ANO2: variants seen among roughly 807,000 people sequenced by gnomAD.
ANO2 encodes anoctamin 2.
ANO2 carries 101 observed loss-of-function variants against 124.2 expected under a neutral mutation model. The observed-to-expected ratio is 0.81, with a 90% CI of 0.69 to 0.96. ANO2 has a LOEUF of 0.96. ANO2 is among the 40% of genes least tolerant of loss of function. The pLI is 0.00. For synonymous variants in ANO2, 486 were observed against 482.5 expected (o/e 1.01, Z -0.09); for missense variants, 1,293 against 1,274.5 (o/e 1.01, Z -0.22).
chr12:5,798,309 G>A (rs1463615783), intron 10 of ANO2, among the ~76,000 whole-genome samples: 1 of 152,078 alleles, frequency 6.6e-6, no homozygotes, highest in Admixed American at 6.5e-5. Context: ...TTGGTTCACG[G>A]TCCTCAGCTG....
chr12:5,615,965 T>C (rs1205806942), intron 16 of ANO2, among the ~76,000 whole-genome samples: 1 of 151,704 alleles, frequency 6.6e-6, no homozygotes, highest in Non-Finnish European at 1.5e-5. Flanking sequence ...GGGCCCTGGG[T>C]GTTCTATCAG....
At chr12:5,944,485 C>G (rs1206914035) in intron 1 of ANO2, among the ~76,000 whole-genome samples, 1 of 152,246 alleles carries the variant, frequency 6.6e-6, no homozygotes, top group Non-Finnish European at 1.5e-5. Flanking sequence ...TCATGCCTGT[C>G]TCAAGAATTA....
chr12:5,898,143 T>G (rs1046600795), intron 3 of ANO2, among the ~76,000 whole-genome samples: 27 of 151,762 alleles, frequency 1.8e-4, no homozygotes, highest in Admixed American at 1.2e-3. Context: ...TATGAAAAGG[T>G]TTTTATCTCA....
intron 10 of ANO2, among the ~76,000 whole-genome samples, chr12:5,755,294 A>G (rs1565644053): frequency 6.6e-6 from 1 of 151,632 alleles, no homozygotes; most frequent in African/African-American, 2.4e-5. Context: ...CTTGTTTGTG[A>G]TAAGTCACTT....
chr12:5,825,858 T>G (rs139036961), intron 7 of ANO2, among the ~76,000 whole-genome samples: 4 of 152,278 alleles, frequency 2.6e-5, no homozygotes, highest in African/African-American at 7.2e-5. Context: ...CAGGAATGGT[T>G]TGGGTCACTC....
At chr12:5,629,795 TC>T (rs1246986002) in intron 16 of ANO2, among the ~76,000 whole-genome samples, 1 of 152,076 alleles carries the variant, frequency 6.6e-6, no homozygotes. Context: ...CCAGCCAGGC[TC>T]CCTCTAGGAC....
At chr12:5,838,026 G>A (rs1360250774) in intron 4 of ANO2, among the ~76,000 whole-genome samples, 1 of 151,956 alleles carries the variant, frequency 6.6e-6, no homozygotes, top group African/African-American at 2.4e-5. Context: ...AATGATAAAG[G>A]GGATATCACC....
intron 10 of ANO2, among the ~76,000 whole-genome samples, chr12:5,752,362 C>T (rs2137094478): frequency 6.6e-6 from 1 of 152,292 alleles, no homozygotes; most frequent in Non-Finnish European, 1.5e-5. Context: ...CACATCTGCA[C>T]CAACACTTTT....
chr12:5,853,326 A>C (rs1243905641), intron 4 of ANO2, among the ~76,000 whole-genome samples: 1 of 149,388 alleles, frequency 6.7e-6, no homozygotes, highest in Non-Finnish European at 1.5e-5. Context: ...TAAATTATGT[A>C]TAGACTATCC....
intron 14 of ANO2, among the ~76,000 whole-genome samples, chr12:5,666,452 C>T (rs1947721798): frequency 6.6e-6 from 1 of 152,132 alleles, no homozygotes; most frequent in Non-Finnish European, 1.5e-5. Context: ...CAGGACTGCC[C>T]GAGTCAGGGC....
chr12:5,793,519 G>C (rs1467928149), intron 10 of ANO2, among the ~76,000 whole-genome samples: 1 of 152,180 alleles, frequency 6.6e-6, no homozygotes, highest in Non-Finnish European at 1.5e-5. Context: ...ACTAATATCA[G>C]CTTTTCCTCC....
At chr12:5,588,667 G>A (rs1392360309) in intron 20 of ANO2, among the ~76,000 whole-genome samples, 3 of 152,168 alleles carry the variant, frequency 2.0e-5, no homozygotes, top group South Asian at 4.1e-4. Flanking sequence ...ATGCTGAAAC[G>A]TCCCTTCCTC....
At chr12:5,685,104 C>A (rs1948651080) in intron 14 of ANO2, among the ~76,000 whole-genome samples, 1 of 152,140 alleles carries the variant, frequency 6.6e-6, no homozygotes, top group Non-Finnish European at 1.5e-5. Flanking sequence ...CATCCTATGC[C>A]CACCTTGGCT....
chr12:5,637,327 A>G (rs952546187), intron 15 of ANO2, among the ~76,000 whole-genome samples: 1 of 130,682 alleles, frequency 7.7e-6, no homozygotes, highest in African/African-American at 2.9e-5. Context: ...GAGGGTATTG[A>G]GGAGTGAGTG....
intron 14 of ANO2, among the ~76,000 whole-genome samples, chr12:5,701,719 C>T (rs142871433): frequency 2.6e-5 from 4 of 152,308 alleles, no homozygotes; most frequent in East Asian, 1.9e-4. Context: ...TGCATTGAAA[C>T]GGGTGTCATT....
intron 14 of ANO2, among the ~76,000 whole-genome samples, chr12:5,722,187 C>T (rs886636883): frequency 9.2e-5 from 14 of 152,134 alleles, no homozygotes; most frequent in Admixed American, 3.3e-4. Flanking sequence ...GAAAAGTCAG[C>T]TTCACTAAAA....
chr12:5,765,723 C>T (rs1951871183), intron 10 of ANO2, among the ~76,000 whole-genome samples: 1 of 152,166 alleles, frequency 6.6e-6, no homozygotes, highest in African/African-American at 2.4e-5. Flanking sequence ...TTCTGAAAAT[C>T]CATGAAAATG....
chr12:5,833,137 C>T (rs1296544917), intron 4 of ANO2, among the ~76,000 whole-genome samples: 2 of 152,144 alleles, frequency 1.3e-5, no homozygotes, highest in East Asian at 3.8e-4. Flanking sequence ...TCCAGCATCC[C>T]GTTCTTTATG....
intron 4 of ANO2, among the ~76,000 whole-genome samples, chr12:5,841,654 T>C (rs892358366): frequency 6.6e-6 from 1 of 152,136 alleles, no homozygotes; most frequent in African/African-American, 2.4e-5. Context: ...TCCAGGGTTT[T>C]CTTACCTTGG....
Sources: allele counts gnomAD v4.1 joint callset (sites outside exome capture counted in the v4.1 genomes callset), GRCh38; gene constraint gnomAD v4.1.1; transcripts MANE v1.5; gene names NCBI Gene and HGNC (gene_info 2026-07-23, HGNC 2026-07-21).